Variants in CPNE1 observed in about 807,000 individuals in gnomAD.
The protein encoded by CPNE1 is copine 1.
CPNE1 carries 58 observed loss-of-function variants against 63.2 expected under a neutral mutation model. The ratio of observed to expected loss-of-function variants is 0.92; its 90% CI spans 0.74 to 1.14. CPNE1 has a LOEUF of 1.14. Among genes scored for constraint, CPNE1 ranks in the 50% most tolerant of loss-of-function variants. CPNE1 has a pLI of 0.00. For synonymous variants in CPNE1, 237 were observed against 249.0 expected, an observed-to-expected ratio of 0.95 and a Z score of 0.45; for missense variants, 672 against 661.7, an observed-to-expected ratio of 1.02 and a Z score of -0.17.
chr20:35,629,398 C>T (rs903775195), intron 13 of CPNE1, among the ~76,000 whole-genome samples: 8 of 152,168 alleles, frequency 5.3e-5, no homozygotes, highest in African/African-American at 2.4e-5. Flanking sequence ...AACAAAAGGG[C>T]TTGGTGGACT....
Position 35,626,150 on chromosome 20 carries a change from T to G in CPNE1, c.*91A>C. On this transcript the variant is annotated 3_prime_UTR_variant, in exon 16 of 16. Coordinates refer to ENST00000397443, the MANE Select transcript of CPNE1 (RefSeq NM_152925.3). ...AAAAGTATCAAAAAATACAAAGTGC[T>G]AGCACTGAGGAGAGTGAGAAGGGTT... 1 of 1,314,534 alleles carries G rather than the reference T, an allele frequency of 7.6e-7. No homozygotes were observed. The highest frequency in any genetic ancestry group is 1.1e-6 in the Non-Finnish European group (1 of 909,416). The allele number at this position is 1,314,534 out of a possible 1,614,324, so 81.4% of individuals were successfully genotyped here.
intron 1 of CPNE1, among the ~76,000 whole-genome samples, chr20:35,633,624 C>A (rs2032305511): frequency 6.6e-6 from 1 of 152,152 alleles, no homozygotes; most frequent in South Asian, 2.1e-4. Flanking sequence ...CCCCAACAGG[C>A]TATTCTAAAT....
Position 35,632,160 on chromosome 20 carries a change from C to T in CPNE1, c.456+3G>A, listed in dbSNP as rs944749271. 12 of 1,613,910 alleles carry T rather than the reference C, an allele frequency of 7.4e-6. No homozygotes were observed. In the Admixed American group the frequency reaches 1.8e-4, roughly 25 times the overall value. ...GATTACCAGGGCCTACTTCCAGACACACCTTCTTATCTAGGTTTCTGGCCT... is the reference window on the plus strand; with the variant it reads ...GATTACCAGGGCCTACTTCCAGACATACCTTCTTATCTAGGTTTCTGGCCT... On this transcript the variant is annotated splice_donor_region_variant and intron_variant, in intron 5 of 15. Coordinates refer to ENST00000397443, the MANE Select transcript of CPNE1 (RefSeq NM_152925.3).
intron 13 of CPNE1, 167 bp from the exon 14 acceptor site, chr20:35,627,580 A>T: frequency 3.3e-6 from 2 of 606,692 alleles, no homozygotes; most frequent in Non-Finnish European, 5.4e-6. Flanking sequence ...GAGGAAACTA[A>T]GGTTCAAAGA....
Position 35,661,456 on chromosome 20 carries a change from A to C in CPNE1, c.-1+3304T>G, listed in dbSNP as rs543915611. ...TCTAAAATACATATTCTATCTATAC[A>C]TACAGCATAATGATAGGAAAGGAGA... On this transcript the variant is annotated intron_variant, in intron 1 of 15. Transcript: ENST00000397443. Among the ~76,000 whole-genome samples the C allele has an allele frequency of 3.3e-5, 5 of 152,322 alleles. No homozygotes were observed. The South Asian group carries it at 6.2e-4, about 19-fold the overall frequency.
chr20:35,630,132 A>G (rs536477888), intron 13 of CPNE1, among the ~76,000 whole-genome samples: 92 of 152,256 alleles, frequency 6.0e-4, no homozygotes, highest in African/African-American at 2.0e-3. Flanking sequence ...CGTCTCTACT[A>G]AACATACAAA....
At chr20:35,628,843 T>C (rs1012311849) in intron 13 of CPNE1, among the ~76,000 whole-genome samples, 5 of 152,234 alleles carry the variant, frequency 3.3e-5, no homozygotes, top group African/African-American at 9.6e-5. Flanking sequence ...TGGTCTGTGA[T>C]AATGTAAGAA....
At chr20:35,627,228 C>T in intron 14 of CPNE1, 52 bp downstream of exon 14, 1 of 1,372,288 alleles carries the variant, frequency 7.3e-7, no homozygotes, top group South Asian at 1.3e-5. Flanking sequence ...TTCCATAACC[C>T]TCAAGGAAGC....
intron 1 of CPNE1, 41 bp from the exon 2 acceptor site, chr20:35,632,964 T>G (rs766719384): frequency 1.8e-5 from 15 of 850,562 alleles, no homozygotes; most frequent in Non-Finnish European, 3.1e-5. Context: ...GGGAGCCTTC[T>G]CTCCCCTTCC....
intron 1 of CPNE1, chr20:35,652,852 G>A: frequency 1.2e-6 from 2 of 1,609,144 alleles, no homozygotes; most frequent in Non-Finnish European, 1.7e-6. Flanking sequence ...AGGCCCAAAA[G>A]CTGGTGGCCC....
In CPNE1 at chr20:35,627,361, G is replaced by A; in HGVS notation, c.1155C>T (p.Leu385=). ...TGGGTGCAAAGTTGGTAGGGCCATAGAGGCGAACTTGGGGCAGGGCTTGGC... is the reference window on the plus strand; with the variant it reads ...TGGGTGCAAAGTTGGTAGGGCCATAAAGGCGAACTTGGGGCAGGGCTTGGC... ...AYRQALPQVR[L]YGPTNFAPII... is the part of the protein sequence containing the mutation. The change falls in exon 14 of 16, where the codon CTC becomes CTT. Residue 385 remains leucine, a synonymous_variant. Coordinates refer to ENST00000397443, the MANE Select transcript of CPNE1 (RefSeq NM_152925.3). The A allele has an allele frequency of 1.2e-6, 2 of 1,614,130 alleles. No homozygotes were observed. The highest frequency in any genetic ancestry group is 1.7e-6 in the Non-Finnish European group (2 of 1,180,026).
At chr20:35,630,389 G>GC in intron 13 of CPNE1, 50 bp downstream of exon 13, 2 of 1,481,478 alleles carry the variant, frequency 1.3e-6, no homozygotes, top group Non-Finnish European at 1.9e-6. Context: ...ATGCAGGCTT[G>GC]CCCCTCTTTG....
At chr20:35,659,136 ATC>A in intron 1 of CPNE1, 3 of 374,098 alleles carry the variant, frequency 8.0e-6, no homozygotes, top group Non-Finnish European at 4.7e-6. Context: ...TAGAATGCAT[ATC>A]AAAAAAAAAA....
chr20:35,627,582 G>C, intron 13 of CPNE1, 169 bp from the exon 14 acceptor site: 1 of 604,512 alleles, frequency 1.7e-6, no homozygotes, highest in Non-Finnish European at 2.7e-6. Context: ...GGAAACTAAG[G>C]TTCAAAGAGA....
At chr20:35,637,731 G>C (rs2032569536) in intron 1 of CPNE1, among the ~76,000 whole-genome samples, 1 of 152,048 alleles carries the variant, frequency 6.6e-6, no homozygotes, top group Non-Finnish European at 1.5e-5. Flanking sequence ...GAAAACTCTG[G>C]AATGCCTTTC....
rs564216202 is a variant in CPNE1 at position 35,631,481 on chromosome 20, C to T, written c.714+11G>A. 1.2e-6 allele frequency: 2 copies of T among 1,613,482 alleles called. No homozygotes were observed. Among genetic ancestry groups the T allele is most frequent in the Admixed American group, 1.7e-5 (1 of 60,004 alleles). ...GCCCATTTCCACACCCCTGGCAAGA[C>T]CAGCACTCACCGGGACTGCCTGCAG... On this transcript the variant is annotated intron_variant, in intron 8 of 15. Coordinates refer to ENST00000397443, the MANE Select transcript of CPNE1 (RefSeq NM_152925.3).
chr20:35,640,345 CAT>C (rs1031500112), intron 1 of CPNE1, among the ~76,000 whole-genome samples: 2 of 152,168 alleles, frequency 1.3e-5, no homozygotes, highest in African/African-American at 4.8e-5. Flanking sequence ...AAACCAGACT[CAT>C]GTATTTTTCA....
chr20:35,652,579 A>C, intron 1 of CPNE1: 1 of 1,614,210 alleles, frequency 6.2e-7, no homozygotes, highest in Non-Finnish European at 8.5e-7. Context: ...ATTTAAGTCA[A>C]TGACAGCAGC....
At chr20:35,630,296 A>T in intron 13 of CPNE1, 143 bp downstream of exon 13, 1 of 709,394 alleles carries the variant, frequency 1.4e-6, no homozygotes, top group Non-Finnish European at 2.3e-6. Context: ...CTCTTTCTCA[A>T]AAAATAAATT....
Sources: gnomAD v4.1 joint callset for allele counts (sites outside exome capture counted in the v4.1 genomes callset) on GRCh38, gnomAD v4.1.1 for gene constraint, MANE v1.5 for transcripts, NCBI Gene and HGNC (gene_info 2026-07-23, HGNC 2026-07-21) for gene names.